Variants in NBEAL1 observed in about 807,000 individuals in gnomAD.
NBEAL1 encodes the protein neurobeachin like 1.
Under a neutral mutation model 351.3 loss-of-function variants are expected in NBEAL1, and 273 were observed. That is an observed-to-expected ratio of 0.78 (90% CI 0.70 to 0.86). The LOEUF (loss-of-function observed/expected upper bound fraction) is 0.86. Ranked by LOEUF, NBEAL1 falls within the 40% of genes least tolerant of loss-of-function variation. The pLI is 0.00. For synonymous variants in NBEAL1, 1,050 were observed against 1,086.4 expected (o/e 0.97, Z 0.66); for missense variants, 2,961 against 3,201.3 (o/e 0.92, Z 1.81).
intron 2 of NBEAL1, among the ~76,000 whole-genome samples, chr2:203,028,590 A>G (rs887522053): frequency 1.3e-5 from 2 of 151,448 alleles, no homozygotes; most frequent in African/African-American, 2.4e-5. Flanking sequence ...TTCAAGTTTC[A>G]TGGAATGTTT....
At chr2:203,120,123 A>G (rs1311109013) in intron 18 of NBEAL1, among the ~76,000 whole-genome samples, 1 of 152,188 alleles carries the variant, frequency 6.6e-6, no homozygotes, top group Non-Finnish European at 1.5e-5. Context: ...CTTTATGAGC[A>G]TTTATTTTTC....
chr2:203,139,937 A>G (rs1478066514), intron 31 of NBEAL1, among the ~76,000 whole-genome samples: 1 of 152,142 alleles, frequency 6.6e-6, no homozygotes, highest in African/African-American at 2.4e-5. Context: ...TGAATGCTGC[A>G]TAGAAGTAAT....
intron 51 of NBEAL1, among the ~76,000 whole-genome samples, chr2:203,203,920 T>A (rs962573569): frequency 4.6e-4 from 68 of 148,918 alleles, no homozygotes; most frequent in Non-Finnish European, 8.8e-4. Flanking sequence ...TTTTTGTGTT[T>A]TTTTTGTTAT....
chr2:203,085,769 A>C (rs1357565612), intron 10 of NBEAL1: 1 of 152,200 alleles, frequency 6.6e-6, no homozygotes, highest in African/African-American at 2.4e-5. Flanking sequence ...CATTGATAGC[A>C]TATTGATTCT....
In NBEAL1 at chr2:203,107,611, G is replaced by C; in HGVS notation, c.1372G>C (p.Val458Leu). 3 of 1,551,354 alleles carry C rather than the reference G, an allele frequency of 1.9e-6. No individual in the cohort carries two copies. The South Asian group carries it at 3.6e-5, about 18-fold the overall frequency. Residue 458 changes from valine (V) to leucine (L), a missense_variant, in exon 14 of 56, where the codon GTA becomes CTA. By Grantham distance (32) the Val-to-Leu change is conservative (BLOSUM62 1). Transcript: ENST00000683969. The stretch of plus-strand genomic sequence containing the variant: ...TATCTTTTATGTTGCTTTTCAGGCT[G>C]TAGAGGGTGACCACACTTCAGTTGG... ...ELLKELMNMA[V>L]EGDHTSVGIL... is the part of the protein sequence containing the mutation.
chr2:203,225,065 T>G lies in NBEAL1; in HGVS notation c.*7711T>G, dbSNP rs895596625. On this transcript the variant is annotated 3_prime_UTR_variant, in exon 56 of 56. Coordinates refer to ENST00000683969, the MANE Select transcript of NBEAL1 (RefSeq NM_001378026.1). The stretch of plus-strand genomic sequence containing the variant: ...TAAAGATAATTGAAAATTTTGCACT[T>G]ATTTTAGGCCCTTGGAAATTTGTAT... Among the ~76,000 whole-genome samples, 1 of 152,224 alleles carries G rather than the reference T, an allele frequency of 6.6e-6. No homozygotes were observed.
At chr2:203,071,796 C>G (rs1210679257) in intron 7 of NBEAL1, among the ~76,000 whole-genome samples, 1 of 152,142 alleles carries the variant, frequency 6.6e-6, no homozygotes, top group Non-Finnish European at 1.5e-5. Context: ...CATTCCCATT[C>G]CAAAAGGGAG....
chr2:203,186,075 GGACA>G (rs1300537255), intron 44 of NBEAL1, among the ~76,000 whole-genome samples: 1 of 152,084 alleles, frequency 6.6e-6, no homozygotes, highest in Non-Finnish European at 1.5e-5. Context: ...TTCTGTAAAG[GGACA>G]GATAGTAAAT....
chr2:203,215,112 C>A (rs2065874671), intron 55 of NBEAL1, among the ~76,000 whole-genome samples: 1 of 152,178 alleles, frequency 6.6e-6, no homozygotes, highest in South Asian at 2.1e-4. Flanking sequence ...AATCCCAGCA[C>A]TTTGGAAGGC....
intron 6 of NBEAL1, among the ~76,000 whole-genome samples, chr2:203,060,629 G>GT (rs1224125137): frequency 7.2e-5 from 11 of 152,130 alleles, no homozygotes; most frequent in Admixed American, 2.6e-4. Context: ...ATTGCTAAGA[G>GT]TATCTACGGA....
At chr2:203,185,745 A>G (rs1007882337) in intron 44 of NBEAL1, among the ~76,000 whole-genome samples, 1 of 152,166 alleles carries the variant, frequency 6.6e-6, no homozygotes. Flanking sequence ...CTCCTCTCCA[A>G]CTGGGTAGTC....
intron 40 of NBEAL1, among the ~76,000 whole-genome samples, chr2:203,172,249 G>A (rs761408167): frequency 1.4e-4 from 22 of 152,048 alleles, no homozygotes; most frequent in African/African-American, 2.9e-4. Flanking sequence ...GGGCAGGTGC[G>A]GTGGCTCATG....
chr2:203,113,878 A>G (rs1465204197), intron 17 of NBEAL1, among the ~76,000 whole-genome samples: 7 of 144,730 alleles, frequency 4.8e-5, no homozygotes, highest in African/African-American at 7.7e-5. Context: ...CTGGAGTGCA[A>G]TGGCGCGATC....
chr2:203,153,967 C>T (rs1003234541), intron 35 of NBEAL1, among the ~76,000 whole-genome samples: 1 of 151,936 alleles, frequency 6.6e-6, no homozygotes. Flanking sequence ...CCAAGTGAGC[C>T]GGGCGTGGTG....
chr2:203,019,761 A>G (rs1481860429), intron 2 of NBEAL1, among the ~76,000 whole-genome samples: 1 of 152,234 alleles, frequency 6.6e-6, no homozygotes, highest in Non-Finnish European at 1.5e-5. Context: ...GTACTACCTC[A>G]GAAATAACCC....
At chr2:203,022,492 A>G (rs1574856786) in intron 2 of NBEAL1, among the ~76,000 whole-genome samples, 1 of 152,288 alleles carries the variant, frequency 6.6e-6, no homozygotes, top group South Asian at 2.1e-4. Context: ...GATCTTAAGG[A>G]CCTAAAAGGT....
At chr2:203,169,330 T>C (rs1346508484) in intron 38 of NBEAL1, among the ~76,000 whole-genome samples, 1 of 145,192 alleles carries the variant, frequency 6.9e-6, no homozygotes, top group Admixed American at 7.2e-5. Flanking sequence ...CTATTTGAGG[T>C]GATAAAAAAT....
At chr2:203,111,605 G>T (rs191129856) in intron 15 of NBEAL1, among the ~76,000 whole-genome samples, 70 of 152,032 alleles carry the variant, frequency 4.6e-4, no homozygotes, top group African/African-American at 1.6e-3. Context: ...CTCCTGATCC[G>T]CCCACCTCCC....
Position 203,099,726 on chromosome 2 carries a change from C to A in NBEAL1, c.1269+14C>A. ...CCAGCTGCTAAGGTGAAACATATAT[C>A]CTCCAGCTTTTTTTTTTTTCTTAAC... On this transcript the variant is annotated intron_variant, in intron 12 of 55. Transcript: ENST00000683969. The A allele has an allele frequency of 2.7e-6, 4 of 1,504,544 alleles. No homozygotes were observed. Among genetic ancestry groups the A allele is most frequent in the Non-Finnish European group, 3.6e-6 (4 of 1,121,622 alleles). The allele number at this position is 1,504,544 out of a possible 1,614,324, so 93.2% of individuals were successfully genotyped here.
Sources: gnomAD v4.1 joint callset for allele counts (sites outside exome capture counted in the v4.1 genomes callset) on GRCh38, gnomAD v4.1.1 for gene constraint, MANE v1.5 for transcripts, NCBI Gene and HGNC (gene_info 2026-07-23, HGNC 2026-07-21) for gene names.